The following DNER variants were observed in gnomAD, a reference collection of about 807,000 sequenced individuals.
The protein encoded by DNER is delta and Notch-like epidermal growth factor-related receptor.
DNER carries 33 observed loss-of-function variants against 78.2 expected under a neutral mutation model. That is an observed-to-expected ratio of 0.42 (90% CI 0.32 to 0.56). DNER has a LOEUF of 0.56. DNER is among the 20% of genes least tolerant of loss of function. The probability of loss-of-function intolerance (pLI) is 0.11; values close to 1 mark genes in which losing one functional copy is unlikely to be tolerated. For missense variants in DNER, 918 were observed against 975.3 expected (o/e 0.94, Z 0.78); for synonymous variants, 417 against 384.8 (o/e 1.08, Z -0.98).
chr2:229,641,528 C>T (rs1698624197), intron 1 of DNER, among the ~76,000 whole-genome samples: 1 of 121,304 alleles, frequency 8.2e-6, no homozygotes, highest in Non-Finnish European at 1.6e-5. Context: ...CCCACACACA[C>T]ACACTTGCTC....
intron 6 of DNER, among the ~76,000 whole-genome samples, chr2:229,485,189 A>G (rs1180901118): frequency 6.6e-6 from 1 of 152,186 alleles, no homozygotes; most frequent in Non-Finnish European, 1.5e-5. Context: ...CATGGTAAGG[A>G]TGCCCTTTGA....
chr2:229,688,300 A>C (rs1457531953), intron 1 of DNER, among the ~76,000 whole-genome samples: 1 of 152,196 alleles, frequency 6.6e-6, no homozygotes, highest in Non-Finnish European at 1.5e-5. Flanking sequence ...GTAGCAATCA[A>C]CAGACGGACG....
At chr2:229,515,704 A>G (rs6743025) in intron 5 of DNER, among the ~76,000 whole-genome samples, 107,271 of 148,640 alleles carry the variant, frequency 0.72, 39,104 homozygotes, top group South Asian at 0.79. Flanking sequence ...GCAGTGGCAC[A>G]ATCTCAGCTC....
At chr2:229,382,383 C>T (rs1324006137) in intron 11 of DNER, among the ~76,000 whole-genome samples, 1 of 152,144 alleles carries the variant, frequency 6.6e-6, no homozygotes, top group Non-Finnish European at 1.5e-5. Context: ...CAACTTCTCA[C>T]TAGCGAGGGA....
At chr2:229,382,484 T>A (rs1343169954) in intron 11 of DNER, among the ~76,000 whole-genome samples, 1 of 152,086 alleles carries the variant, frequency 6.6e-6, no homozygotes, top group African/African-American at 2.4e-5. Flanking sequence ...TAAAGAAGCA[T>A]GTTCTAACCC....
rs553973923 is a variant in DNER, at chr2:229,508,653, G to A, written c.1147+4130C>T. Among the ~76,000 whole-genome samples the A allele has an allele frequency of 1.2e-4, 19 of 152,154 alleles. No individual in the cohort carries two copies. The South Asian group carries it at 2.3e-3, about 18-fold the overall frequency. On this transcript the variant is annotated intron_variant, in intron 6 of 12. Coordinates refer to ENST00000341772, the MANE Select transcript of DNER (RefSeq NM_139072.4). Reference sequence around the variant, plus strand: ...TCCCAGCACTTTGGGAGGCCGAGACGGGCAGATCACGAGGTCAGGAGATCG... The same window carrying A: ...TCCCAGCACTTTGGGAGGCCGAGACAGGCAGATCACGAGGTCAGGAGATCG...
chr2:229,534,226 CA>C, intron 5 of DNER, among the ~76,000 whole-genome samples: 1 of 150,780 alleles, frequency 6.6e-6, no homozygotes, highest in Admixed American at 6.6e-5. Context: ...TGTAACAGAC[CA>C]ATAGATTGTG....
intron 11 of DNER, among the ~76,000 whole-genome samples, chr2:229,379,203 C>T (rs1445630293): frequency 6.6e-6 from 1 of 152,096 alleles, no homozygotes; most frequent in Admixed American, 6.5e-5. Context: ...GTTAATCCTT[C>T]CTGGGAGTAG....
intron 7 of DNER, among the ~76,000 whole-genome samples, chr2:229,464,052 T>C (rs530401869): frequency 6.6e-6 from 1 of 152,310 alleles, no homozygotes; most frequent in South Asian, 2.1e-4. Flanking sequence ...AAAAATCTCA[T>C]GGGACAGTTG....
chr2:229,708,504 T>C (rs1164547640), intron 1 of DNER, among the ~76,000 whole-genome samples: 1 of 152,202 alleles, frequency 6.6e-6, no homozygotes, highest in Non-Finnish European at 1.5e-5. Flanking sequence ...TGTCGGGTTT[T>C]CTGTTTGGTG....
At position 229,436,724 on chromosome 2, in the gene DNER, A is replaced by G. The variant is rs144622529; in HGVS notation, c.1486+10592T>C. ...GCTTCATAAGCAAAGGAGAAATAAG[A>G]TGCTTTTTGAACAAGCAAATGTTAG... On this transcript the variant is annotated intron_variant, in intron 8 of 12. Coordinates refer to ENST00000341772, the MANE Select transcript of DNER (RefSeq NM_139072.4). Among the ~76,000 whole-genome samples the G allele has an allele frequency of 4.3e-3, 653 of 152,306 alleles. 1 individual carries two copies. The highest frequency in any genetic ancestry group is 0.015 in the African/African-American group (628 of 41,558).
rs530255037 is a variant in DNER at position 229,414,908 on chromosome 2, A to G, written c.1609+3200T>C. On this transcript the variant is annotated intron_variant, in intron 9 of 12. Transcript: ENST00000341772. ...CTGGGTGCAGTGGCTCATGTCTGCA[A>G]TCCCAGCACTTCGGGAGGCCAAGAC... is the stretch of plus-strand genomic sequence containing the variant. 2.0e-5 allele frequency among the ~76,000 whole-genome samples: 3 copies of G among 152,276 alleles called. No individual in the cohort carries two copies. In the South Asian group the frequency reaches 6.2e-4, roughly 32 times the overall value.
At chr2:229,633,470 A>T (rs1166917691) in intron 1 of DNER, among the ~76,000 whole-genome samples, 1 of 152,238 alleles carries the variant, frequency 6.6e-6, no homozygotes, top group African/African-American at 2.4e-5. Context: ...TATTTTTAAA[A>T]ATAAAAAATA....
intron 8 of DNER, among the ~76,000 whole-genome samples, chr2:229,428,977 G>C (rs2106354105): frequency 6.6e-6 from 1 of 152,222 alleles, no homozygotes; most frequent in South Asian, 2.1e-4. Context: ...TAGAGAGAAA[G>C]AAAAACTGGT....
At chr2:229,513,258 G>C (rs911451248) in intron 5 of DNER, among the ~76,000 whole-genome samples, 4 of 152,176 alleles carry the variant, frequency 2.6e-5, no homozygotes, top group African/African-American at 9.6e-5. Flanking sequence ...AATTTTGCTA[G>C]AGCAGATAGT....
chr2:229,625,207 C>G (rs1698315841), intron 1 of DNER, among the ~76,000 whole-genome samples: 1 of 152,118 alleles, frequency 6.6e-6, no homozygotes, highest in African/African-American at 2.4e-5. Flanking sequence ...GTGTAGCTCT[C>G]TTGTATTTTA....
intron 6 of DNER, among the ~76,000 whole-genome samples, chr2:229,487,982 T>A (rs936038674): frequency 6.6e-6 from 1 of 152,160 alleles, no homozygotes; most frequent in African/African-American, 2.4e-5. Flanking sequence ...CTTCAAAGGT[T>A]TCTGCACAGA....
At chr2:229,494,141 T>C (rs1695456826) in intron 6 of DNER, among the ~76,000 whole-genome samples, 2 of 152,226 alleles carry the variant, frequency 1.3e-5, no homozygotes, top group Admixed American at 1.3e-4. Flanking sequence ...ATTCCACCTC[T>C]GATTCTCCAA....
intron 9 of DNER, among the ~76,000 whole-genome samples, chr2:229,413,786 A>C (rs1693583011): frequency 6.6e-6 from 1 of 150,728 alleles, no homozygotes. Context: ...AACTATATAT[A>C]TAGTTTAAAA....
Sources: gnomAD v4.1 joint callset for allele counts (sites outside exome capture counted in the v4.1 genomes callset) on GRCh38, gnomAD v4.1.1 for gene constraint, MANE v1.5 for transcripts, NCBI Gene and HGNC (gene_info 2026-07-23, HGNC 2026-07-21) for gene names.